The following PIK3R3 variants were observed in gnomAD, a reference collection of about 807,000 sequenced individuals.
PIK3R3 encodes phosphoinositide-3-kinase regulatory subunit 3.
PIK3R3 carries 64 observed loss-of-function variants against 62.9 expected under a neutral mutation model. The ratio of observed to expected loss-of-function variants is 1.02; its 90% CI spans 0.83 to 1.25. PIK3R3 has a LOEUF of 1.25. PIK3R3 is among the 50% of genes most tolerant of loss of function. The probability of loss-of-function intolerance (pLI) is 0.00; values close to 1 mark genes in which losing one functional copy is unlikely to be tolerated. For missense variants in PIK3R3, 614 were observed against 561.6 expected, an observed-to-expected ratio of 1.09 and a Z score of -0.94; for synonymous variants, 165 against 189.0, an observed-to-expected ratio of 0.87 and a Z score of 1.04.
the PIK3R3 span, among the ~76,000 whole-genome samples, chr1:46,147,304 A>G: frequency 6.6e-6 from 1 of 151,976 alleles, no homozygotes. Flanking sequence ...GGGTTTCACC[A>G]ATGTTGGCCA....
intron 1 of PIK3R3, among the ~76,000 whole-genome samples, chr1:46,130,501 A>G (rs543688166): frequency 1.3e-5 from 2 of 152,304 alleles, no homozygotes; most frequent in African/African-American, 2.4e-5. Flanking sequence ...AGTGATCATC[A>G]AGAGTGAAAA....
At chr1:46,136,484 T>C (rs1390102024), upstream of PIK3R3, among the ~76,000 whole-genome samples, 3 of 152,220 alleles carry the variant, frequency 2.0e-5, no homozygotes, top group African/African-American at 4.8e-5. Context: ...TCCTTGTATT[T>C]GGCATTTGCA....
At chr1:46,122,622 C>T (rs1654775064) in intron 1 of PIK3R3, among the ~76,000 whole-genome samples, 1 of 152,196 alleles carries the variant, frequency 6.6e-6, no homozygotes, top group Non-Finnish European at 1.5e-5. Context: ...CCCACCTCGG[C>T]ACCTCAAAGT....
At chr1:46,073,916 G>A (rs946481367) in intron 3 of PIK3R3, among the ~76,000 whole-genome samples, 1 of 150,314 alleles carries the variant, frequency 6.7e-6, no homozygotes, top group Admixed American at 6.6e-5. Flanking sequence ...TTACAGGAGT[G>A]AGCCACCATG....
chr1:46,174,583 C>T, the PIK3R3 span, among the ~76,000 whole-genome samples: 5 of 152,096 alleles, frequency 3.3e-5, no homozygotes, highest in South Asian at 2.1e-4. Context: ...GATCTCGGAC[C>T]GGTGCAACAC....
the PIK3R3 span, among the ~76,000 whole-genome samples, chr1:46,156,952 C>T: frequency 1.3e-5 from 2 of 152,168 alleles, no homozygotes; most frequent in Admixed American, 1.3e-4. Flanking sequence ...CCTCAACTCC[C>T]TGCAACTCCC....
chr1:46,148,707 C>G, the PIK3R3 span, among the ~76,000 whole-genome samples: 174 of 151,430 alleles, frequency 1.1e-3, 1 homozygote, highest in African/African-American at 4.0e-3. Flanking sequence ...ATTTACTACT[C>G]TTGAAGAACC....
intron 7 of PIK3R3, among the ~76,000 whole-genome samples, chr1:46,053,850 G>T (rs1238815690): frequency 6.6e-6 from 1 of 152,010 alleles, no homozygotes; most frequent in Non-Finnish European, 1.5e-5. Flanking sequence ...CATTGTTTTG[G>T]TGTATAGCAT....
At chr1:46,159,738 T>TAC in the PIK3R3 span, among the ~76,000 whole-genome samples, 2,680 of 148,072 alleles carry the variant, frequency 0.018, 26 homozygotes, top group African/African-American at 0.027. Flanking sequence ...ATGAGTACCA[T>TAC]ACACACACAC....
chr1:46,094,722 T>C (rs550462727), intron 1 of PIK3R3, among the ~76,000 whole-genome samples: 8 of 152,350 alleles, frequency 5.3e-5, no homozygotes, highest in Non-Finnish European at 8.8e-5. Context: ...TGCTCATTAG[T>C]AACACTAACC....
rs370501368 is a variant in PIK3R3, at chr1:46,045,644, T to TTTTTTTTTTTTTTTTTTTC, written c.1187+273_1187+274insGAAAAAAAAAAAAAAAAAA. ...TTTTTTTTTTTTTTTTTTTTTTTTTTCAATTTAAGATCTCACATTACCTTT... is the reference window on the plus strand; with the variant it reads ...TTTTTTTTTTTTTTTTTTTTTTTTTTTTTTTTTTTTTTTTTTTTCCAATTTAAGATCTCACATTACCTTT... On this transcript the variant is annotated intron_variant, in intron 9 of 9. Transcript: ENST00000262741. Among the ~76,000 whole-genome samples, 60 of 82,676 alleles carry TTTTTTTTTTTTTTTTTTTC rather than the reference T, an allele frequency of 7.3e-4. 8 individuals carry two copies. Among genetic ancestry groups the TTTTTTTTTTTTTTTTTTTC allele is most frequent in the Admixed American group, 9.3e-4 (6 of 6,466 alleles). 54.2% of individuals were successfully genotyped at this position (82,676 alleles called of 152,430 possible).
At chr1:46,076,938 A>G (rs1650121069) in intron 3 of PIK3R3, among the ~76,000 whole-genome samples, 1 of 152,206 alleles carries the variant, frequency 6.6e-6, no homozygotes, top group Admixed American at 6.5e-5. Context: ...ATAAGGCTTT[A>G]TTGTAACTGG....
chr1:46,066,897 T>C lies in PIK3R3; in HGVS notation c.495+14A>G, dbSNP rs1649042428. ...CACTTGCTCAATAGCTAGCAAGGAT[T>C]TCCATAATCATACCTGTTGGTATCT... On this transcript the variant is annotated intron_variant, in intron 4 of 9. Coordinates refer to ENST00000262741, the MANE Select transcript of PIK3R3 (RefSeq NM_003629.4). The C allele has an allele frequency of 6.2e-7, 1 of 1,601,154 alleles. No homozygotes were observed.
At chr1:46,172,898 C>A in the PIK3R3 span, among the ~76,000 whole-genome samples, 1 of 152,012 alleles carries the variant, frequency 6.6e-6, no homozygotes, top group South Asian at 2.1e-4. Context: ...GAGGCTGAGG[C>A]ACGAGAATCA....
chr1:46,135,251 G>A (rs1240265665), upstream of PIK3R3, among the ~76,000 whole-genome samples: 2 of 152,176 alleles, frequency 1.3e-5, no homozygotes, highest in African/African-American at 4.8e-5. Context: ...TTTGACCTGG[G>A]TGTGGATTAA....
At chr1:46,096,664 G>A (rs767811407) in intron 1 of PIK3R3, among the ~76,000 whole-genome samples, 3 of 151,974 alleles carry the variant, frequency 2.0e-5, no homozygotes, top group Non-Finnish European at 1.5e-5. Flanking sequence ...TTAGGGAGAC[G>A]GGCAGGCCGA....
upstream of PIK3R3, among the ~76,000 whole-genome samples, chr1:46,136,139 A>C (rs1571596696): frequency 6.8e-6 from 1 of 146,508 alleles, no homozygotes; most frequent in Non-Finnish European, 1.5e-5. Flanking sequence ...TAGGGATTCT[A>C]CCAGCCTCAA....
In PIK3R3 at chr1:46,040,699, G is replaced by C. The variant is rs952063962; in HGVS notation, c.*2974C>G. 7.8e-5 allele frequency: 16 copies of C among 206,196 alleles called. No individual in the cohort carries two copies. In the East Asian group the frequency reaches 1.2e-3, roughly 15 times the overall value. The allele number at this position is 206,196 out of a possible 1,614,324, so 12.8% of individuals were successfully genotyped here. ...AATTCTCAGTTTAAGAGAACACATG[G>C]GGCTGATTACTTGTAGCAAAAAAGA... On this transcript the variant is annotated 3_prime_UTR_variant, in exon 10 of 10. Transcript: ENST00000262741.
chr1:46,045,370 CAGTT>C (rs1037926014), intron 9 of PIK3R3, among the ~76,000 whole-genome samples: 12 of 152,084 alleles, frequency 7.9e-5, no homozygotes, highest in South Asian at 4.1e-4. Flanking sequence ...GACTGAAGCA[CAGTT>C]AGTTATCCCC....
Sources: allele counts gnomAD v4.1 joint callset (sites outside exome capture counted in the v4.1 genomes callset), GRCh38; gene constraint gnomAD v4.1.1; transcripts MANE v1.5; gene names NCBI Gene and HGNC (gene_info 2026-07-23, HGNC 2026-07-21).